Variants in TLK2 observed in about 807,000 individuals in gnomAD.
TLK2 encodes serine/threonine-protein kinase tousled-like 2.
TLK2 carries 6 observed loss-of-function variants against 117.3 expected under a neutral mutation model. The ratio of observed to expected loss-of-function variants is 0.05; its 90% CI spans 0.03 to 0.10. TLK2 has a LOEUF of 0.10. TLK2 is among the 10% of genes least tolerant of loss of function. The pLI, the probability that TLK2 is intolerant of heterozygous loss-of-function variation, is 1.00. For synonymous variants in TLK2, 257 were observed against 316.7 expected (o/e 0.81, Z 2.00); for missense variants, 299 against 901.2 (o/e 0.33, Z 8.56).
Position 62,580,139 on chromosome 17 carries a change from A to G in TLK2, c.1315A>G (p.Arg439Gly), listed in dbSNP as rs1326367976. ...QFKDHPTLND[R>G]YLLLHLLGRG... ...TAAAGATCATCCAACGCTAAATGAC[A>G]GATATTTGTTGTTACATCTTTTGGG... is the stretch of plus-strand genomic sequence containing the variant. Residue 439 changes from arginine (R) to glycine (G), a missense_variant, in exon 15 of 22, where the codon AGA becomes GGA. By Grantham distance (125) the Arg-to-Gly change is moderately radical. Coordinates refer to ENST00000346027, the MANE Select transcript of TLK2 (RefSeq NM_006852.6). The G allele has an allele frequency of 1.2e-6, 2 of 1,613,374 alleles. No individual in the cohort carries two copies. The highest frequency in any genetic ancestry group is 1.7e-6 in the Non-Finnish European group (2 of 1,179,620).
chr17:62,522,190 A>G lies in TLK2; in HGVS notation c.154-14A>G, dbSNP rs367972733. The stretch of plus-strand genomic sequence containing the variant: ...TACCAAAATGCTAATTGTGACTTAT[A>G]TGGTATTTGACAGACTCCCGAGAAA... On this transcript the variant is annotated splice_polypyrimidine_tract_variant and intron_variant, in intron 3 of 21. Transcript: ENST00000346027. 6.2e-7 allele frequency: 1 copy of G among 1,610,880 alleles called. No individual in the cohort carries two copies. Among genetic ancestry groups the G allele is most frequent in the Admixed American group, 1.7e-5 (1 of 59,114 alleles).
At chr17:62,507,047 G>A (rs2074753272) in intron 2 of TLK2, among the ~76,000 whole-genome samples, 1 of 152,102 alleles carries the variant, frequency 6.6e-6, no homozygotes, top group Admixed American at 6.6e-5. Flanking sequence ...CCTAGTTTGG[G>A]TCATTGTTCT....
At chr17:62,563,630 C>G (rs1431080316) in intron 10 of TLK2, among the ~76,000 whole-genome samples, 2 of 152,090 alleles carry the variant, frequency 1.3e-5, no homozygotes, top group Non-Finnish European at 2.9e-5. Flanking sequence ...TCTCACAGTA[C>G]TTTATTCTTT....
chr17:62,555,767 G>A (rs8065783), intron 9 of TLK2, among the ~76,000 whole-genome samples: 95,956 of 151,330 alleles, frequency 0.63, 30,561 homozygotes, highest in East Asian at 0.81. Flanking sequence ...GTGAGCCACC[G>A]CGCCCGGCTA....
intron 2 of TLK2, among the ~76,000 whole-genome samples, chr17:62,512,895 A>AT (rs1555610957): frequency 3.5e-4 from 51 of 147,420 alleles, no homozygotes; most frequent in African/African-American, 1.2e-3. Context: ...TATTATTATT[A>AT]GAGACGAAGT....
intron 2 of TLK2, among the ~76,000 whole-genome samples, chr17:62,504,849 ATTAT>A (rs1598268431): frequency 6.6e-6 from 1 of 151,962 alleles, no homozygotes; most frequent in Non-Finnish European, 1.5e-5. Context: ...AGTCTATTTT[ATTAT>A]TTATTTATTT....
intron 2 of TLK2, among the ~76,000 whole-genome samples, chr17:62,517,657 C>T (rs1250101240): frequency 6.6e-6 from 1 of 152,088 alleles, no homozygotes; most frequent in Non-Finnish European, 1.5e-5. Flanking sequence ...GCTGGGATTA[C>T]AGGCGTGAGC....
chr17:62,582,619 T>C (rs1303138447), intron 15 of TLK2, among the ~76,000 whole-genome samples: 1 of 152,210 alleles, frequency 6.6e-6, no homozygotes. Context: ...CAATGCTTAG[T>C]TTATTTTCTT....
upstream of TLK2, among the ~76,000 whole-genome samples, chr17:62,475,446 G>A (rs958995386): frequency 3.2e-4 from 49 of 151,918 alleles, no homozygotes; most frequent in African/African-American, 1.2e-3. Context: ...AGGTTCAAGC[G>A]ATTCTCCTGC....
chr17:62,485,980 A>C (rs962491121), intron 2 of TLK2, among the ~76,000 whole-genome samples: 8 of 150,556 alleles, frequency 5.3e-5, no homozygotes, highest in African/African-American at 1.7e-4. Flanking sequence ...GCCACCACGC[A>C]CAGCTAATTT....
chr17:62,601,951 T>C, intron 18 of TLK2, 91 bp from the exon 19 acceptor site: 1 of 1,170,324 alleles, frequency 8.5e-7, no homozygotes, highest in Non-Finnish European at 1.2e-6. Context: ...AGAGTTTGAG[T>C]TCAGTTGTCC....
At chr17:62,509,924 G>A (rs2075012275) in intron 2 of TLK2, among the ~76,000 whole-genome samples, 1 of 152,174 alleles carries the variant, frequency 6.6e-6, no homozygotes. Context: ...ACCTGCTGGT[G>A]CCTTGGTATT....
chr17:62,493,620 A>G (rs1441942777), intron 2 of TLK2, among the ~76,000 whole-genome samples: 1 of 152,220 alleles, frequency 6.6e-6, no homozygotes, highest in Admixed American at 6.5e-5. Context: ...CATTCTACAA[A>G]AGCTTTAGAA....
intron 7 of TLK2, among the ~76,000 whole-genome samples, chr17:62,549,408 A>G (rs1239304301): frequency 5.4e-5 from 1 of 18,408 alleles, no homozygotes; most frequent in South Asian, 4.6e-3. Flanking sequence ...CAAAAAAAAA[A>G]AAAAAAAAAA....
chr17:62,614,169 G>A lies in TLK2; in HGVS notation c.*1604G>A, dbSNP rs1173722531. The A allele has an allele frequency of 6.7e-6, 1 of 148,374 alleles. No homozygotes were observed. Among genetic ancestry groups the A allele is most frequent in the Non-Finnish European group, 1.5e-5 (1 of 67,222 alleles). 9.2% of individuals were successfully genotyped at this position (148,374 alleles called of 1,614,324 possible). On this transcript the variant is annotated 3_prime_UTR_variant, in exon 22 of 22. Coordinates refer to ENST00000346027, the MANE Select transcript of TLK2 (RefSeq NM_006852.6). ...AAGGAGAAATAGATGTTTCAAATAT[G>A]AACATTCTTTTGGCACCAATTTTCT...
At chr17:62,607,124 C>T (rs1229095561) in intron 20 of TLK2, among the ~76,000 whole-genome samples, 1 of 148,878 alleles carries the variant, frequency 6.7e-6, no homozygotes, top group Admixed American at 6.8e-5. Flanking sequence ...CTGCCGATAA[C>T]AGCAGTAGAA....
At chr17:62,566,122 G>T (rs571889331) in intron 11 of TLK2, among the ~76,000 whole-genome samples, 3 of 151,958 alleles carry the variant, frequency 2.0e-5, no homozygotes, top group African/African-American at 7.2e-5. Flanking sequence ...ACTAGCTACC[G>T]TTAGCTTAGA....
At chr17:62,604,678 A>G (rs1050052793) in intron 19 of TLK2, among the ~76,000 whole-genome samples, 6 of 151,946 alleles carry the variant, frequency 3.9e-5, no homozygotes, top group Non-Finnish European at 4.4e-5. Flanking sequence ...TGGGAGGCCA[A>G]GGCGGGCGGA....
chr17:62,594,149 T>G (rs1314695962), intron 16 of TLK2, among the ~76,000 whole-genome samples: 1 of 151,964 alleles, frequency 6.6e-6, no homozygotes, highest in Non-Finnish European at 1.5e-5. Context: ...GGCTCATGCC[T>G]GTAATCCCAG....
Sources: allele counts gnomAD v4.1 joint callset (sites outside exome capture counted in the v4.1 genomes callset), GRCh38; gene constraint gnomAD v4.1.1; transcripts MANE v1.5; gene names NCBI Gene and HGNC (gene_info 2026-07-23, HGNC 2026-07-21).